Variants in AXDND1 observed in about 807,000 individuals in gnomAD.
AXDND1 encodes axonemal dynein light chain domain-containing protein 1.
In AXDND1, 110 loss-of-function variants were observed where a neutral mutation model predicts 137.5. The ratio of observed to expected loss-of-function variants is 0.80; its 90% CI spans 0.69 to 0.94. AXDND1 has a LOEUF of 0.94. Among genes scored for constraint, AXDND1 ranks in the 40% least tolerant of loss-of-function variants. The probability of loss-of-function intolerance (pLI) is 0.00; values close to 1 mark genes in which losing one functional copy is unlikely to be tolerated. For missense variants in AXDND1, 1,191 were observed against 1,169.8 expected (o/e 1.02, Z -0.26); for synonymous variants, 414 against 399.7 (o/e 1.04, Z -0.43).
At position 179,419,233 on chromosome 1, in the gene AXDND1, G is replaced by T. The variant is rs927900411; in HGVS notation, c.1230+7967G>T. Among the ~76,000 whole-genome samples the T allele has an allele frequency of 1.3e-4, 19 of 151,948 alleles. 1 individual carries two copies. Among genetic ancestry groups the T allele is most frequent in the Non-Finnish European group, 2.6e-4 (18 of 67,968 alleles). On this transcript the variant is annotated intron_variant, in intron 12 of 25. Transcript: ENST00000367618. Reference sequence around the variant, plus strand: ...ACGGGGTGGCAGCCGGGCAGAGGCTGCAATCTCGGCTCTTTGGGAGGCCAA... The same window carrying T: ...ACGGGGTGGCAGCCGGGCAGAGGCTTCAATCTCGGCTCTTTGGGAGGCCAA...
At chr1:179,459,198 C>T (rs72719286) in intron 16 of AXDND1, among the ~76,000 whole-genome samples, 9,562 of 152,100 alleles carry the variant, frequency 0.063, 359 homozygotes, top group African/African-American at 0.071. Flanking sequence ...ATGTCCAGGC[C>T]GAATAATGGC....
intron 9 of AXDND1, among the ~76,000 whole-genome samples, chr1:179,389,915 C>T (rs139421302): frequency 6.6e-6 from 1 of 152,220 alleles, no homozygotes; most frequent in African/African-American, 2.4e-5. Context: ...AAAGCAAGGG[C>T]TGGATAATTC....
rs144550820 is a variant in AXDND1, at chr1:179,370,625, C to T, written c.374+547C>T. Among the ~76,000 whole-genome samples the T allele has an allele frequency of 3.2e-3, 485 of 152,314 alleles. 2 individuals carry two copies. Among genetic ancestry groups the T allele is most frequent in the Admixed American group, 5.4e-3 (82 of 15,300 alleles). ...ACAAACATTCTAAGTCATTCTAAGGCGGTCAAGTGGGTCAACATTTTCCCT... is the reference window on the plus strand; with the variant it reads ...ACAAACATTCTAAGTCATTCTAAGGTGGTCAAGTGGGTCAACATTTTCCCT... On this transcript the variant is annotated intron_variant, in intron 4 of 25. Transcript: ENST00000367618.
At chr1:179,476,091 C>A (rs964315579) in intron 17 of AXDND1, among the ~76,000 whole-genome samples, 1 of 152,116 alleles carries the variant, frequency 6.6e-6, no homozygotes, top group Non-Finnish European at 1.5e-5. Context: ...TTGAGGCTTC[C>A]CCAGCCATGT....
chr1:179,494,924 T>C (rs1443580366), intron 20 of AXDND1, among the ~76,000 whole-genome samples: 3 of 152,202 alleles, frequency 2.0e-5, no homozygotes, highest in African/African-American at 7.2e-5. Flanking sequence ...TTGTGGCATT[T>C]GGATATCCAA....
intron 21 of AXDND1, among the ~76,000 whole-genome samples, chr1:179,511,412 GTGTGTGTGTGTA>G (rs1308820394): frequency 2.7e-5 from 4 of 150,784 alleles, no homozygotes; most frequent in Non-Finnish European, 5.9e-5. Context: ...GTGTGTGTGT[GTGTGTGTGTGTA>G]TATGTATATA....
At chr1:179,500,353 G>A (rs1319650888) in intron 20 of AXDND1, among the ~76,000 whole-genome samples, 4 of 150,782 alleles carry the variant, frequency 2.7e-5, no homozygotes, top group African/African-American at 9.8e-5. Flanking sequence ...GTGTGTGTGT[G>A]TGTGTGTGTG....
intron 12 of AXDND1, among the ~76,000 whole-genome samples, chr1:179,412,415 G>GAT (rs1329132604): frequency 6.6e-6 from 1 of 152,270 alleles, no homozygotes; most frequent in African/African-American, 2.4e-5. Context: ...TCTCCATGGA[G>GAT]ATATACTGCA....
At chr1:179,547,658 C>T (rs1672773365) in intron 25 of AXDND1, among the ~76,000 whole-genome samples, 1 of 152,096 alleles carries the variant, frequency 6.6e-6, no homozygotes. Flanking sequence ...GGTTTGGGTC[C>T]CACGAGCACC....
At chr1:179,414,998 T>C (rs1333089738) in intron 12 of AXDND1, among the ~76,000 whole-genome samples, 1 of 152,188 alleles carries the variant, frequency 6.6e-6, no homozygotes. Flanking sequence ...CTCACCTATA[T>C]ATGGGATATT....
chr1:179,373,393 C>T (rs1357584319), intron 4 of AXDND1, among the ~76,000 whole-genome samples: 1 of 152,124 alleles, frequency 6.6e-6, no homozygotes, highest in Admixed American at 6.6e-5. Flanking sequence ...TGAAAATGGC[C>T]ATACTGCCCA....
At position 179,488,515 on chromosome 1, in the gene AXDND1, C is replaced by T. The variant is rs1449026270; in HGVS notation, c.2092-3023C>T. Among the ~76,000 whole-genome samples the T allele has an allele frequency of 1.4e-5, 2 of 147,846 alleles. 1 individual carries two copies. The highest frequency in any genetic ancestry group is 5.2e-5 in the African/African-American group (2 of 38,662). On this transcript the variant is annotated intron_variant, in intron 18 of 25. Coordinates refer to ENST00000367618, the MANE Select transcript of AXDND1 (RefSeq NM_144696.6). ...TCTTGAGCTCAGGCAATCCTCCCAC[C>T]TTGGCCTCCCAAAGTGCTGGGATTA...
intron 15 of AXDND1, among the ~76,000 whole-genome samples, 166 bp downstream of exon 15, chr1:179,432,508 T>C (rs1291316540): frequency 6.6e-6 from 1 of 151,632 alleles, no homozygotes. Context: ...TCACTACAAC[T>C]TCCACCTCCT....
intron 21 of AXDND1, among the ~76,000 whole-genome samples, chr1:179,513,363 C>T (rs960668525): frequency 6.6e-6 from 1 of 152,128 alleles, no homozygotes; most frequent in African/African-American, 2.4e-5. Context: ...TGGTGTATCA[C>T]ATTTATTGAC....
At chr1:179,408,388 T>A (rs1653307900) in intron 11 of AXDND1, among the ~76,000 whole-genome samples, 1 of 152,160 alleles carries the variant, frequency 6.6e-6, no homozygotes, top group Non-Finnish European at 1.5e-5. Flanking sequence ...AAATTCTTTT[T>A]TTTTTTTGAG....
intron 18 of AXDND1, among the ~76,000 whole-genome samples, chr1:179,485,066 C>T (rs547525447): frequency 1.3e-4 from 20 of 152,324 alleles, no homozygotes; most frequent in Middle Eastern, 3.4e-3. Context: ...TGCCAGCACT[C>T]GGCCCCCATG....
intron 25 of AXDND1, among the ~76,000 whole-genome samples, chr1:179,554,151 CG>C (rs1673729799): frequency 6.6e-6 from 1 of 152,046 alleles, no homozygotes; most frequent in African/African-American, 2.4e-5. Context: ...TGACCTCAAG[CG>C]ATCCACCCAC....
intron 16 of AXDND1, chr1:179,451,272 G>A (rs1198246343): frequency 6.6e-6 from 1 of 151,394 alleles, no homozygotes; most frequent in African/African-American, 2.4e-5. Flanking sequence ...TCTTTAAGAG[G>A]TCTATCTATA....
chr1:179,546,587 A>G (rs560956445), intron 25 of AXDND1, among the ~76,000 whole-genome samples: 1 of 152,200 alleles, frequency 6.6e-6, no homozygotes, highest in African/African-American at 2.4e-5. Flanking sequence ...AGATGTCCAG[A>G]CCGAGCCATG....
Sources: allele counts gnomAD v4.1 joint callset (sites outside exome capture counted in the v4.1 genomes callset), GRCh38; gene constraint gnomAD v4.1.1; transcripts MANE v1.5; gene names NCBI Gene and HGNC (gene_info 2026-07-23, HGNC 2026-07-21).